Variants in NDST3 observed in about 807,000 individuals in gnomAD.
NDST3 encodes the protein bifunctional heparan sulfate N-deacetylase/N-sulfotransferase 3.
A neutral mutation model predicts 96.1 loss-of-function variants in NDST3; 58 were observed. The observed-to-expected ratio is 0.60, with a 90% CI of 0.49 to 0.75. NDST3 has a LOEUF of 0.75. NDST3 is among the 30% of genes least tolerant of loss of function. NDST3 has a pLI of 0.00. For synonymous variants in NDST3, 333 were observed against 359.7 expected (o/e 0.93, Z 0.84); for missense variants, 788 against 1,034.2 (o/e 0.76, Z 3.27).
chr4:118,172,057 G>T (rs1421859148), intron 6 of NDST3, among the ~76,000 whole-genome samples: 1 of 152,178 alleles, frequency 6.6e-6, no homozygotes, highest in Admixed American at 6.5e-5. Flanking sequence ...TTATTTAGTA[G>T]ACATTATAAA....
chr4:118,040,865 T>TTATATA (rs995950295), intron 1 of NDST3, among the ~76,000 whole-genome samples: 4 of 28,714 alleles, frequency 1.4e-4, no homozygotes, highest in Non-Finnish European at 7.3e-4. Context: ...ATTTATATAT[T>TTATATA]TTTATATATA....
At chr4:118,181,744 C>A (rs1736623184) in intron 6 of NDST3, among the ~76,000 whole-genome samples, 1 of 152,068 alleles carries the variant, frequency 6.6e-6, no homozygotes, top group South Asian at 2.1e-4. Flanking sequence ...ATCTTATTTA[C>A]CAGAGATTCA....
rs186130009 is a variant in NDST3 at position 118,184,280 on chromosome 4, G to A, written c.1540-40211G>A. ...AGATATTTGTTCAAATATTATTCTA[G>A]GTGTTTCTGTGCAGGTATTTCTTTA... is the stretch of plus-strand genomic sequence containing the variant. On this transcript the variant is annotated intron_variant, in intron 6 of 13. Coordinates refer to ENST00000296499, the MANE Select transcript of NDST3 (RefSeq NM_004784.3). Among the ~76,000 whole-genome samples the A allele has an allele frequency of 5.3e-5, 8 of 152,194 alleles. No homozygotes were observed. The East Asian group carries it at 1.5e-3, about 29-fold the overall frequency.
At chr4:118,194,066 G>C (rs1737501829) in intron 6 of NDST3, 2 of 1,447,676 alleles carry the variant, frequency 1.4e-6, no homozygotes, top group African/African-American at 1.4e-5. Context: ...CTAGGCATTT[G>C]GTGGGATTTG....
At chr4:118,148,878 G>A (rs1734159505) in intron 6 of NDST3, among the ~76,000 whole-genome samples, 1 of 152,168 alleles carries the variant, frequency 6.6e-6, no homozygotes, top group Non-Finnish European at 1.5e-5. Flanking sequence ...ACCTAGAAAA[G>A]TAATTCCTGG....
At chr4:118,192,685 G>A (rs1202670439) in intron 6 of NDST3, among the ~76,000 whole-genome samples, 4 of 150,910 alleles carry the variant, frequency 2.7e-5, no homozygotes, top group Non-Finnish European at 5.9e-5. Context: ...GGTTACTACA[G>A]ATCTGTAGTA....
At chr4:118,079,633 T>C (rs1385404275) in intron 2 of NDST3, among the ~76,000 whole-genome samples, 3 of 152,028 alleles carry the variant, frequency 2.0e-5, no homozygotes, top group African/African-American at 7.2e-5. Flanking sequence ...GGAGAGGAAT[T>C]TGGATTCTAT....
chr4:118,244,491 AT>A (rs917712170), intron 12 of NDST3, among the ~76,000 whole-genome samples: 31 of 150,904 alleles, frequency 2.1e-4, no homozygotes, highest in Admixed American at 2.0e-4. Context: ...GGTGCTTAAA[AT>A]TTTTTTTTTC....
intron 6 of NDST3, among the ~76,000 whole-genome samples, chr4:118,152,382 A>G (rs1224791564): frequency 2.6e-5 from 4 of 152,236 alleles, no homozygotes; most frequent in African/African-American, 4.8e-5. Flanking sequence ...AAAGCTACAC[A>G]TTCAGGAATC....
intron 6 of NDST3, among the ~76,000 whole-genome samples, chr4:118,212,611 A>G (rs1221595542): frequency 6.6e-6 from 1 of 152,220 alleles, no homozygotes; most frequent in African/African-American, 2.4e-5. Context: ...CATACAACAT[A>G]GCATCAAGAG....
intron 6 of NDST3, among the ~76,000 whole-genome samples, chr4:118,147,798 A>C (rs1007345061): frequency 3.3e-5 from 5 of 152,184 alleles, no homozygotes; most frequent in African/African-American, 1.2e-4. Flanking sequence ...CACTAAACAA[A>C]AATGTCACTT....
intron 6 of NDST3, among the ~76,000 whole-genome samples, chr4:118,176,802 A>C (rs1736308727): frequency 6.6e-6 from 1 of 152,092 alleles, no homozygotes; most frequent in African/African-American, 2.4e-5. Context: ...GATATGAAAT[A>C]ATCTGATGAA....
intron 6 of NDST3, among the ~76,000 whole-genome samples, chr4:118,212,040 CA>C (rs1464558764): frequency 6.6e-6 from 1 of 152,084 alleles, no homozygotes; most frequent in Non-Finnish European, 1.5e-5. Flanking sequence ...TCCCTTGTAT[CA>C]AACATCCCCT....
chr4:118,122,083 C>T (rs914879847), intron 4 of NDST3, among the ~76,000 whole-genome samples: 4 of 152,038 alleles, frequency 2.6e-5, no homozygotes, highest in African/African-American at 7.2e-5. Context: ...GTAACTTAAA[C>T]GATTTCATAA....
intron 4 of NDST3, among the ~76,000 whole-genome samples, chr4:118,119,680 A>G (rs1257188225): frequency 6.6e-6 from 1 of 152,252 alleles, no homozygotes; most frequent in East Asian, 1.9e-4. Flanking sequence ...ACTAAGGGAT[A>G]TATTATCAGG....
intron 6 of NDST3, among the ~76,000 whole-genome samples, chr4:118,146,778 G>A (rs1054552099): frequency 2.0e-5 from 3 of 152,162 alleles, no homozygotes; most frequent in African/African-American, 7.2e-5. Flanking sequence ...TGGATGCAGG[G>A]GTTTTGATTA....
At chr4:118,251,742 T>C (rs1239304317) in intron 12 of NDST3, among the ~76,000 whole-genome samples, 1 of 152,186 alleles carries the variant, frequency 6.6e-6, no homozygotes, top group East Asian at 1.9e-4. Context: ...CCAAATTTGC[T>C]CTTTGTTTTC....
intron 6 of NDST3, among the ~76,000 whole-genome samples, chr4:118,158,643 A>G (rs1040311465): frequency 1.3e-5 from 2 of 152,232 alleles, no homozygotes; most frequent in Non-Finnish European, 2.9e-5. Flanking sequence ...TTAATTCCAT[A>G]GATTACTTAT....
In NDST3 at chr4:118,054,319, T is replaced by C. The variant is rs533978696; in HGVS notation, c.409T>C (p.Leu137=). The change falls in exon 2 of 14, where the codon TTA becomes CTA. Residue 137 remains leucine (L), a synonymous_variant. Transcript: ENST00000296499. The stretch of plus-strand genomic sequence containing the variant: ...CATTCTCATTATTTATGAGAATATT[T>C]TAAAGTATATAAATATGGATTCCTG... ...KYILIIYENI[L]KYINMDSWNR... 1.2e-6 allele frequency: 2 copies of C among 1,609,208 alleles called. No individual in the cohort carries two copies. The highest frequency in any genetic ancestry group is 1.7e-6 in the Non-Finnish European group (2 of 1,177,132).
Sources: allele counts gnomAD v4.1 joint callset (sites outside exome capture counted in the v4.1 genomes callset), GRCh38; gene constraint gnomAD v4.1.1; transcripts MANE v1.5; gene names NCBI Gene and HGNC (gene_info 2026-07-23, HGNC 2026-07-21).